The following FOXP2 variants were observed in gnomAD, a reference collection of about 807,000 sequenced individuals.
The protein encoded by FOXP2 is forkhead box P2.
FOXP2 carries 12 observed loss-of-function variants against 115.8 expected under a neutral mutation model. The observed-to-expected ratio is 0.10, with a 90% CI of 0.07 to 0.17. The LOEUF is 0.17. FOXP2 is among the 10% of genes least tolerant of loss of function. The pLI, the probability that FOXP2 is intolerant of heterozygous loss-of-function variation, is 1.00. For synonymous variants in FOXP2, 328 were observed against 297.7 expected, an observed-to-expected ratio of 1.10 and a Z score of -1.05; for missense variants, 629 against 843.5, an observed-to-expected ratio of 0.75 and a Z score of 3.15.
intron 2 of FOXP2, among the ~76,000 whole-genome samples, chr7:114,319,944 T>A (rs1273298437): frequency 6.6e-6 from 1 of 152,180 alleles, no homozygotes; most frequent in Non-Finnish European, 1.5e-5. Flanking sequence ...AAAAGTGAAA[T>A]CTTTAATATT....
chr7:114,590,004 A>G (rs1802364631), intron 3 of FOXP2, among the ~76,000 whole-genome samples: 1 of 152,006 alleles, frequency 6.6e-6, no homozygotes, highest in African/African-American at 2.4e-5. Context: ...CTAAACCAGA[A>G]CTCAATAGTT....
At chr7:114,182,040 C>T (rs1022415469) in intron 1 of FOXP2, among the ~76,000 whole-genome samples, 3 of 152,046 alleles carry the variant, frequency 2.0e-5, no homozygotes, top group Non-Finnish European at 4.4e-5. Context: ...ACTTTAATTG[C>T]TTTATGCATT....
rs193111672 is a variant in FOXP2, at chr7:114,616,683, A to T, written c.259-11857A>T. Reference sequence around the variant, plus strand: ...TGCTCTTATTCTGCAGGCCTCATATAGATTAATAGGTAACTCCACCTACAC... The same window carrying T: ...TGCTCTTATTCTGCAGGCCTCATATTGATTAATAGGTAACTCCACCTACAC... On this transcript the variant is annotated intron_variant, in intron 3 of 16. Transcript: ENST00000350908. Among the ~76,000 whole-genome samples the T allele has an allele frequency of 2.1e-3, 321 of 152,278 alleles. 2 individuals are homozygous for T. Among genetic ancestry groups the T allele is most frequent in the African/African-American group, 7.3e-3 (304 of 41,548 alleles).
intron 2 of FOXP2, among the ~76,000 whole-genome samples, chr7:114,496,737 T>C (rs897388895): frequency 1.3e-5 from 2 of 152,170 alleles, no homozygotes; most frequent in African/African-American, 4.8e-5. Context: ...AAAAGAAATA[T>C]ATTATTGAAT....
At chr7:114,182,344 G>A (rs1419787002) in intron 1 of FOXP2, among the ~76,000 whole-genome samples, 1 of 151,890 alleles carries the variant, frequency 6.6e-6, no homozygotes, top group Non-Finnish European at 1.5e-5. Flanking sequence ...TTTTAAAAAA[G>A]AAAAGTACTC....
chr7:114,517,748 A>G (rs1355980365), intron 2 of FOXP2, among the ~76,000 whole-genome samples: 2 of 152,176 alleles, frequency 1.3e-5, no homozygotes, highest in Non-Finnish European at 2.9e-5. Flanking sequence ...GATTTTGAAA[A>G]GCAGACAGTT....
intron 1 of FOXP2, among the ~76,000 whole-genome samples, chr7:114,166,065 A>T (rs1792973605): frequency 6.6e-6 from 1 of 152,192 alleles, no homozygotes; most frequent in Non-Finnish European, 1.5e-5. Context: ...ATGTGTTAAA[A>T]AAGTTAATCT....
At chr7:114,308,655 C>T (rs1360530265) in intron 2 of FOXP2, among the ~76,000 whole-genome samples, 1 of 152,136 alleles carries the variant, frequency 6.6e-6, no homozygotes. Context: ...TTCTACAATC[C>T]AGATGCCTGT....
chr7:114,224,754 A>G (rs905998875), intron 1 of FOXP2, among the ~76,000 whole-genome samples: 8 of 152,122 alleles, frequency 5.3e-5, no homozygotes, highest in Admixed American at 2.6e-4. Context: ...GCAGGACTCA[A>G]GAGAACCTCT....
intron 1 of FOXP2, among the ~76,000 whole-genome samples, chr7:114,172,803 T>A (rs1190691885): frequency 2.0e-5 from 3 of 152,138 alleles, no homozygotes; most frequent in African/African-American, 7.2e-5. Flanking sequence ...CTAAGTAGAA[T>A]TCTGAGAAAA....
At chr7:114,485,798 T>C (rs1796748241) in intron 2 of FOXP2, among the ~76,000 whole-genome samples, 1 of 152,128 alleles carries the variant, frequency 6.6e-6, no homozygotes, top group South Asian at 2.1e-4. Context: ...AAATAGGTAA[T>C]GAACTATGAA....
At chr7:114,463,753 T>A (rs922056120) in intron 2 of FOXP2, among the ~76,000 whole-genome samples, 1 of 152,204 alleles carries the variant, frequency 6.6e-6, no homozygotes, top group Admixed American at 6.5e-5. Flanking sequence ...TAATCTCTGT[T>A]ATGGCTCTCC....
Position 114,693,269 on chromosome 7 carries a change from A to C in FOXP2, c.*3343A>C, listed in dbSNP as rs1372823248. 4.4e-6 allele frequency: 2 copies of C among 450,722 alleles called. No homozygotes were observed. Among genetic ancestry groups the C allele is most frequent in the Non-Finnish European group, 8.9e-6 (2 of 224,806 alleles). The allele number at this position is 450,722 out of a possible 1,614,324, so 27.9% of individuals were successfully genotyped here. On this transcript the variant is annotated 3_prime_UTR_variant, in exon 17 of 17. Coordinates refer to ENST00000350908, the MANE Select transcript of FOXP2 (RefSeq NM_014491.4). ...CAGCATTCTGTGTCTACAGCTGCTT[A>C]ACTTCATAAGAATGCATTTCTTTGT...
intron 2 of FOXP2, among the ~76,000 whole-genome samples, chr7:114,384,421 G>C (rs1792389098): frequency 6.6e-6 from 1 of 152,178 alleles, no homozygotes; most frequent in East Asian, 1.9e-4. Flanking sequence ...GCTTGGCTGA[G>C]TGCAAACAGC....
chr7:114,331,892 C>G (rs1013065492), intron 2 of FOXP2, among the ~76,000 whole-genome samples: 1 of 152,030 alleles, frequency 6.6e-6, no homozygotes, highest in Non-Finnish European at 1.5e-5. Flanking sequence ...AGTGATCCAC[C>G]CACTTCAGCC....
At chr7:114,263,799 A>G (rs2129171686) in intron 1 of FOXP2, among the ~76,000 whole-genome samples, 1 of 151,432 alleles carries the variant, frequency 6.6e-6, no homozygotes, top group African/African-American at 2.4e-5. Context: ...AGGAACCATA[A>G]CAGTTATACT....
intron 3 of FOXP2, among the ~76,000 whole-genome samples, chr7:114,560,287 T>C (rs985685637): frequency 5.9e-5 from 9 of 152,138 alleles, no homozygotes; most frequent in African/African-American, 1.9e-4. Context: ...GCTGATATTT[T>C]AGGGATGGAA....
chr7:114,261,451 G>A (rs1795747463), intron 1 of FOXP2, among the ~76,000 whole-genome samples: 1 of 151,984 alleles, frequency 6.6e-6, no homozygotes, highest in South Asian at 2.1e-4. Context: ...ATTATCTAAG[G>A]AAAAGACTAT....
At chr7:114,530,279 G>C (rs947757300) in intron 2 of FOXP2, among the ~76,000 whole-genome samples, 1 of 151,886 alleles carries the variant, frequency 6.6e-6, no homozygotes, top group East Asian at 1.9e-4. Flanking sequence ...TTTTCTCAGA[G>C]ATGAATATCA....
Sources: allele counts gnomAD v4.1 joint callset (sites outside exome capture counted in the v4.1 genomes callset), GRCh38; gene constraint gnomAD v4.1.1; transcripts MANE v1.5; gene names NCBI Gene and HGNC (gene_info 2026-07-23, HGNC 2026-07-21).